SDK1: variants seen among roughly 807,000 people sequenced by gnomAD.
The protein encoded by SDK1 is protein sidekick-1.
Under a neutral mutation model 245.5 loss-of-function variants are expected in SDK1, and 157 were observed. That is an observed-to-expected ratio of 0.64 (90% CI 0.56 to 0.73). SDK1 has a LOEUF of 0.73. Among genes scored for constraint, SDK1 ranks in the 30% least tolerant of loss-of-function variants. The pLI is 0.00. For missense variants in SDK1, 3,583 were observed against 3,002.3 expected, an observed-to-expected ratio of 1.19 and a Z score of -4.52; for synonymous variants, 1,647 against 1,278.5, an observed-to-expected ratio of 1.29 and a Z score of -6.15.
At chr7:3,337,368 T>C (rs2128553066) in intron 1 of SDK1, among the ~76,000 whole-genome samples, 3 of 149,732 alleles carry the variant, frequency 2.0e-5, no homozygotes, top group South Asian at 4.2e-4. Context: ...AAAAATAGAC[T>C]GGAAAAAAAA....
intron 1 of SDK1, among the ~76,000 whole-genome samples, chr7:3,524,077 C>G (rs566580085): frequency 5.3e-5 from 8 of 152,224 alleles, no homozygotes; most frequent in African/African-American, 1.9e-4. Context: ...CAAATATTGC[C>G]TGAGAAGAAG....
Position 4,133,923 on chromosome 7 carries a change from A to G in SDK1, c.4228+1500A>G, listed in dbSNP as rs140480247. 6.6e-4 allele frequency among the ~76,000 whole-genome samples: 100 copies of G among 152,290 alleles called. 1 individual carries two copies. The East Asian group carries it at 0.016, about 24-fold the overall frequency. On this transcript the variant is annotated intron_variant, in intron 28 of 44. Transcript: ENST00000404826. ...GGTAAAATTCACCACTTTTGCCTGCATTTGATCTTAGGATTCTAAGACTTG... is the reference window on the plus strand; with the variant it reads ...GGTAAAATTCACCACTTTTGCCTGCGTTTGATCTTAGGATTCTAAGACTTG...
chr7:3,474,397 T>G (rs1281012551), intron 1 of SDK1, among the ~76,000 whole-genome samples: 2 of 151,978 alleles, frequency 1.3e-5, no homozygotes, highest in Non-Finnish European at 2.9e-5. Context: ...CCCGGCCATC[T>G]CTACCAGATG....
At chr7:3,430,813 A>G (rs978895963) in intron 1 of SDK1, among the ~76,000 whole-genome samples, 5 of 152,222 alleles carry the variant, frequency 3.3e-5, no homozygotes, top group Non-Finnish European at 7.3e-5. Flanking sequence ...GGTGGATGGA[A>G]TGAAGCAAGG....
At chr7:3,603,838 T>C (rs1036493335) in intron 1 of SDK1, among the ~76,000 whole-genome samples, 1 of 152,168 alleles carries the variant, frequency 6.6e-6, no homozygotes, top group Admixed American at 6.5e-5. Flanking sequence ...ATAGCTCTTA[T>C]TATTTTGAGA....
chr7:3,914,755 G>A (rs1779306975), intron 5 of SDK1, among the ~76,000 whole-genome samples: 1 of 152,140 alleles, frequency 6.6e-6, no homozygotes, highest in African/African-American at 2.4e-5. Context: ...GGCCCACTGG[G>A]TAATTAAAAG....
rs115553721 is a variant in SDK1, at chr7:4,192,567, G to A, written c.5099-13312G>A. Among the ~76,000 whole-genome samples the A allele has an allele frequency of 8.1e-3, 1,228 of 152,288 alleles. 13 individuals carry two copies. Among genetic ancestry groups the A allele is most frequent in the African/African-American group, 0.028 (1,164 of 41,542 alleles). On this transcript the variant is annotated intron_variant, in intron 35 of 44. Transcript: ENST00000404826. ...TGGGATTACAGGTGTGAGCCACCGT[G>A]CCCAGCCAGTAAAGTATATTCTAAT... is the stretch of plus-strand genomic sequence containing the variant.
rs572146823 is a variant in SDK1 at position 3,903,337 on chromosome 7, G to A, written c.848-47586G>A. Reference sequence around the variant, plus strand: ...TTTTTGTGTTTTTAGTAGAGACGAGGTTTCACCGTGTTAGCCAGGATGGTC... The same window carrying A: ...TTTTTGTGTTTTTAGTAGAGACGAGATTTCACCGTGTTAGCCAGGATGGTC... On this transcript the variant is annotated intron_variant, in intron 5 of 44. Transcript: ENST00000404826. 6.6e-5 allele frequency among the ~76,000 whole-genome samples: 10 copies of A among 152,054 alleles called. No individual in the cohort carries two copies. The South Asian group carries it at 1.2e-3, about 19-fold the overall frequency.
chr7:3,959,778 A>C (rs1781532856), intron 8 of SDK1, among the ~76,000 whole-genome samples: 3 of 152,050 alleles, frequency 2.0e-5, no homozygotes, highest in Admixed American at 2.0e-4. Flanking sequence ...ATAGTATTTG[A>C]ATAGGAAATG....
chr7:3,543,950 G>A (rs975286694), intron 1 of SDK1, among the ~76,000 whole-genome samples: 1 of 152,138 alleles, frequency 6.6e-6, no homozygotes, highest in Non-Finnish European at 1.5e-5. Context: ...TTTGAAAAAC[G>A]ATCATTTCTC....
intron 4 of SDK1, among the ~76,000 whole-genome samples, chr7:3,788,564 G>C (rs944946527): frequency 6.6e-6 from 1 of 152,088 alleles, no homozygotes; most frequent in Non-Finnish European, 1.5e-5. Flanking sequence ...ATACCTTTTG[G>C]TCAGGGGTGT....
chr7:4,033,362 G>A (rs866420945), intron 17 of SDK1, among the ~76,000 whole-genome samples: 1 of 152,118 alleles, frequency 6.6e-6, no homozygotes, highest in Admixed American at 6.6e-5. Flanking sequence ...ACAAGTACTA[G>A]AATAAAACAC....
intron 1 of SDK1, among the ~76,000 whole-genome samples, chr7:3,591,383 C>A (rs961510321): frequency 6.6e-6 from 1 of 152,224 alleles, no homozygotes; most frequent in Admixed American, 6.5e-5. Flanking sequence ...TCTGATTGAC[C>A]TGGGAAGGAT....
chr7:3,858,103 G>C (rs1006451472), intron 5 of SDK1, among the ~76,000 whole-genome samples: 6 of 152,186 alleles, frequency 3.9e-5, no homozygotes, highest in Non-Finnish European at 7.3e-5. Flanking sequence ...TTAAACCATA[G>C]TATATTCATG....
At chr7:3,475,624 G>GTTTTTTATAAAAATC (rs1334892850) in intron 1 of SDK1, among the ~76,000 whole-genome samples, 2 of 152,186 alleles carry the variant, frequency 1.3e-5, no homozygotes, top group Non-Finnish European at 2.9e-5. Context: ...AAAATCAAAT[G>GTTTTTTATAAAAATC]ACATGATTAT....
intron 13 of SDK1, among the ~76,000 whole-genome samples, chr7:3,984,581 A>G (rs1346569567): frequency 6.6e-6 from 1 of 152,106 alleles, no homozygotes; most frequent in Non-Finnish European, 1.5e-5. Flanking sequence ...CACATCTTAT[A>G]GCATATGGTC....
In SDK1 at chr7:4,268,074, G is replaced by A. The variant is rs1408191984; in HGVS notation, c.*2690G>A. The A allele has an allele frequency of 1.0e-6, 1 of 985,464 alleles. No homozygotes were observed. Among genetic ancestry groups the A allele is most frequent in the Non-Finnish European group, 1.2e-6 (1 of 829,954 alleles). 61.0% of individuals were successfully genotyped at this position (985,464 alleles called of 1,614,324 possible). On this transcript the variant is annotated 3_prime_UTR_variant, in exon 45 of 45. Coordinates refer to ENST00000404826, the MANE Select transcript of SDK1 (RefSeq NM_152744.4). Reference sequence around the variant, plus strand: ...GTTTTAAAAAGAGGACAAACAAAATGTCTCTAAGCCAGGCTAGATGGAATG... The same window carrying A: ...GTTTTAAAAAGAGGACAAACAAAATATCTCTAAGCCAGGCTAGATGGAATG...
At chr7:4,161,264 G>C (rs1362573006) in intron 31 of SDK1, among the ~76,000 whole-genome samples, 3 of 152,154 alleles carry the variant, frequency 2.0e-5, no homozygotes, top group African/African-American at 7.2e-5. Flanking sequence ...AACCATGGCA[G>C]ACTCCCCTTC....
chr7:3,905,196 A>G (rs1399768645), intron 5 of SDK1, among the ~76,000 whole-genome samples: 1 of 151,936 alleles, frequency 6.6e-6, no homozygotes, highest in Non-Finnish European at 1.5e-5. Context: ...TTATTTTTTA[A>G]ATAGCTACTA....
Sources: allele counts gnomAD v4.1 joint callset (sites outside exome capture counted in the v4.1 genomes callset), GRCh38; gene constraint gnomAD v4.1.1; transcripts MANE v1.5; gene names NCBI Gene and HGNC (gene_info 2026-07-23, HGNC 2026-07-21).